CMTR1: variants seen among roughly 807,000 people sequenced by gnomAD.
The protein encoded by CMTR1 is cap-specific mRNA (nucleoside-2'-O-)-methyltransferase 1.
Under a neutral mutation model 107.0 loss-of-function variants are expected in CMTR1, and 39 were observed. The observed-to-expected ratio is 0.36, with a 90% CI of 0.28 to 0.48. The LOEUF (loss-of-function observed/expected upper bound fraction) is 0.48. CMTR1 is among the 20% of genes least tolerant of loss of function. CMTR1 has a pLI of 0.99. For synonymous variants in CMTR1, 366 were observed against 379.5 expected (o/e 0.96, Z 0.41); for missense variants, 672 against 1,064.9 (o/e 0.63, Z 5.14).
upstream of CMTR1, among the ~76,000 whole-genome samples, chr6:37,430,393 T>G (rs930483264): frequency 8.1e-5 from 11 of 135,928 alleles, no homozygotes; most frequent in Non-Finnish European, 1.5e-4. Context: ...GTATTTTATA[T>G]ATATATGTGT....
chr6:37,470,813 G>C (rs567138561), intron 13 of CMTR1, among the ~76,000 whole-genome samples: 62 of 152,262 alleles, frequency 4.1e-4, no homozygotes, highest in Admixed American at 7.2e-4. Flanking sequence ...TCTAAGAACT[G>C]AGTGACCCAG....
intron 2 of CMTR1, among the ~76,000 whole-genome samples, chr6:37,442,903 TTC>T (rs1771704602): frequency 6.6e-6 from 1 of 152,226 alleles, no homozygotes; most frequent in South Asian, 2.1e-4. Flanking sequence ...TCAACACCCT[TTC>T]TGAGTGGTGT....
chr6:37,462,961 C>T lies in CMTR1; in HGVS notation c.1458C>T (p.Ile486=), dbSNP rs766446978. ...DVNLVVPLEV[I]KGDHEFTDYM... ...ACTTGGTGGTCCCCCTGGAGGTGATCAAGGGAGACCATGAATTTACTGACT... is the reference window on the plus strand; with the variant it reads ...ACTTGGTGGTCCCCCTGGAGGTGATTAAGGGAGACCATGAATTTACTGACT... The change falls in exon 13 of 24, where the codon ATC becomes ATT. Residue 486 remains isoleucine, a synonymous_variant. Coordinates refer to ENST00000373451, the MANE Select transcript of CMTR1 (RefSeq NM_015050.3). 3.1e-6 allele frequency: 5 copies of T among 1,614,130 alleles called. No individual in the cohort carries two copies. Among genetic ancestry groups the T allele is most frequent in the Non-Finnish European group, 4.2e-6 (5 of 1,180,026 alleles).
chr6:37,441,220 A>C (rs1554197723), intron 2 of CMTR1, among the ~76,000 whole-genome samples: 1 of 152,024 alleles, frequency 6.6e-6, no homozygotes, highest in Non-Finnish European at 1.5e-5. Context: ...GCATGTGGGC[A>C]CTCTGTTGCA....
intron 13 of CMTR1, among the ~76,000 whole-genome samples, chr6:37,470,271 T>C (rs942037963): frequency 1.3e-5 from 2 of 151,852 alleles, no homozygotes; most frequent in Non-Finnish European, 2.9e-5. Context: ...CTCAGCCTCC[T>C]GAGTAGCTGG....
At chr6:37,450,748 T>C (rs1761134157) in intron 5 of CMTR1, among the ~76,000 whole-genome samples, 1 of 152,200 alleles carries the variant, frequency 6.6e-6, no homozygotes, top group Non-Finnish European at 1.5e-5. Context: ...ATTGTGAGAA[T>C]AAAGTAGATG....
chr6:37,428,008 C>CAGAGAGAGAGAGAG, the CMTR1 span, among the ~76,000 whole-genome samples: 635 of 114,832 alleles, frequency 5.5e-3, 23 homozygotes, highest in South Asian at 7.9e-3. Flanking sequence ...GCAACAGAGA[C>CAGAGAGAGAGAGAG]AGAGAGAGAG....
At chr6:37,469,920 GTTTTT>G (rs34467439) in intron 13 of CMTR1, among the ~76,000 whole-genome samples, 1 of 142,748 alleles carries the variant, frequency 7.0e-6, no homozygotes, top group African/African-American at 2.5e-5. Flanking sequence ...TAGATGATCT[GTTTTT>G]TTTTTTCACT....
intron 3 of CMTR1, among the ~76,000 whole-genome samples, chr6:37,445,270 G>C (rs1332410110): frequency 6.6e-6 from 1 of 152,108 alleles, no homozygotes; most frequent in Non-Finnish European, 1.5e-5. Flanking sequence ...CCCTTTCAGA[G>C]GGAATATAGA....
chr6:37,437,360 A>T (rs1771553692), intron 2 of CMTR1, among the ~76,000 whole-genome samples: 2 of 151,660 alleles, frequency 1.3e-5, no homozygotes, highest in Non-Finnish European at 2.9e-5. Flanking sequence ...CCCCATCTCT[A>T]CTAAAAAACA....
chr6:37,442,485 A>G (rs1401480079), intron 2 of CMTR1, among the ~76,000 whole-genome samples: 1 of 152,264 alleles, frequency 6.6e-6, no homozygotes, highest in Non-Finnish European at 1.5e-5. Context: ...TTTCTATTAA[A>G]TGGAAAGCCT....
At chr6:37,462,214 TA>T in intron 12 of CMTR1, 112 bp downstream of exon 12, 1 of 1,311,084 alleles carries the variant, frequency 7.6e-7, no homozygotes. Context: ...ACCTTGACTT[TA>T]AAGAAGTGAT....
chr6:37,471,136 C>T (rs1761615953), intron 14 of CMTR1, 59 bp downstream of exon 14: 1 of 1,440,776 alleles, frequency 6.9e-7, no homozygotes, highest in Non-Finnish European at 9.5e-7. Flanking sequence ...TGCTTTTCCT[C>T]CCCACAAGCT....
intron 2 of CMTR1, among the ~76,000 whole-genome samples, chr6:37,435,975 A>G (rs1458792089): frequency 1.3e-5 from 2 of 152,068 alleles, no homozygotes; most frequent in Non-Finnish European, 2.9e-5. Flanking sequence ...AAAAATGGTA[A>G]TTTTTCCAGA....
rs1437674630 is a variant in CMTR1 at position 37,458,103 on chromosome 6, C to G, written c.778-509C>G. Reference sequence around the variant, plus strand: ...AGGGTCTCGGTCTGTCGCCCAGGCTCAAGTGCAGTGGCGCGATCTCAGCTC... The same window carrying G: ...AGGGTCTCGGTCTGTCGCCCAGGCTGAAGTGCAGTGGCGCGATCTCAGCTC... On this transcript the variant is annotated intron_variant, in intron 8 of 23. Transcript: ENST00000373451. This position sits in a 1 kb window ranked among gnomAD's most constrained non-coding sequence, Gnocchi z 4.7. 6.6e-6 allele frequency among the ~76,000 whole-genome samples: 1 copy of G among 151,870 alleles called. No homozygotes were observed. Among genetic ancestry groups the G allele is most frequent in the Non-Finnish European group, 1.5e-5 (1 of 67,934 alleles).
chr6:37,439,788 G>A (rs1033642849), intron 2 of CMTR1, among the ~76,000 whole-genome samples: 5 of 152,156 alleles, frequency 3.3e-5, no homozygotes, highest in Non-Finnish European at 7.4e-5. Flanking sequence ...TGTTGTCACT[G>A]TCATTTTTTA....
At chr6:37,431,254 C>A (rs1771359643), upstream of CMTR1, among the ~76,000 whole-genome samples, 1 of 151,842 alleles carries the variant, frequency 6.6e-6, no homozygotes, top group Admixed American at 6.6e-5. Context: ...TTATTTTATA[C>A]CCTTCAAATT....
chr6:37,463,172 A>G (rs983621624), intron 13 of CMTR1, among the ~76,000 whole-genome samples, 164 bp downstream of exon 13: 1 of 152,086 alleles, frequency 6.6e-6, no homozygotes, highest in Non-Finnish European at 1.5e-5. Flanking sequence ...TTGGTTAGTT[A>G]CCCTCAGGGA....
intron 2 of CMTR1, among the ~76,000 whole-genome samples, chr6:37,443,174 T>C (rs2113866346): frequency 6.6e-6 from 1 of 152,344 alleles, no homozygotes; most frequent in South Asian, 2.1e-4. Flanking sequence ...TCTTCTTGTA[T>C]ATCGTTCCTT....
Sources: gnomAD v4.1 joint callset for allele counts (sites outside exome capture counted in the v4.1 genomes callset) on GRCh38, gnomAD v4.1.1 for gene constraint, Gnocchi (gnomAD v3.1) non-coding constraint, MANE v1.5 for transcripts, NCBI Gene and HGNC (gene_info 2026-07-23, HGNC 2026-07-21) for gene names.